ARCN1: variants seen among roughly 807,000 people sequenced by gnomAD.
The protein encoded by ARCN1 is archain 1 coat protein complex I subunit delta.
Under a neutral mutation model 60.4 loss-of-function variants are expected in ARCN1, and 5 were observed. That is an observed-to-expected ratio of 0.08 (90% CI 0.04 to 0.17). The LOEUF is 0.17. Among genes scored for constraint, ARCN1 ranks in the 10% least tolerant of loss-of-function variants. The pLI, the probability that ARCN1 is intolerant of heterozygous loss-of-function variation, is 1.00. For missense variants in ARCN1, 464 were observed against 626.5 expected, an observed-to-expected ratio of 0.74 and a Z score of 2.77; for synonymous variants, 224 against 220.0, an observed-to-expected ratio of 1.02 and a Z score of -0.16.
At chr11:118,583,492 G>A in intron 3 of ARCN1, 134 bp downstream of exon 3, 1 of 1,124,830 alleles carries the variant, frequency 8.9e-7, no homozygotes, top group Non-Finnish European at 1.2e-6. Flanking sequence ...AGTGGCTCAT[G>A]TCTGTAATCT....
chr11:118,582,882 A>G (rs1201158370), intron 2 of ARCN1, among the ~76,000 whole-genome samples: 1 of 151,776 alleles, frequency 6.6e-6, no homozygotes, highest in East Asian at 1.9e-4. Context: ...CTCTACTAAA[A>G]ATACAAAAAT....
chr11:118,582,719 T>A (rs1277366891), intron 2 of ARCN1, among the ~76,000 whole-genome samples: 1 of 120,790 alleles, frequency 8.3e-6, no homozygotes, highest in Non-Finnish European at 1.8e-5. Flanking sequence ...GAGTTAGACT[T>A]TGTCTTAAAA....
In ARCN1 at chr11:118,600,643, G is replaced by A. The variant is rs1555077943; in HGVS notation, c.1465G>A (p.Val489Ile). 6.2e-7 allele frequency: 1 copy of A among 1,611,972 alleles called. No homozygotes were observed. Among genetic ancestry groups the A allele is most frequent in the South Asian group, 1.1e-5 (1 of 90,752 alleles). The change falls in exon 10 of 10, where the codon GTA becomes ATA. Residue 489 changes from valine to isoleucine, a missense_variant. This residue lies in a region of ARCN1 where 359 missense variants were observed against 440.2 expected (regional missense o/e 0.82). Transcript: ENST00000264028. ...TTCCTAGGTTACCAAAGTGACCCAG[G>A]TAGATGGAAACAGCCCCGTCAGGTT... Reference protein sequence around the residue: ...CNIQVTKVTQVDGNSPVRFST... With the variant: ...CNIQVTKVTQIDGNSPVRFST...
intron 1 of ARCN1, chr11:118,573,486 T>C: frequency 2.0e-6 from 1 of 498,266 alleles, no homozygotes. Context: ...ATCGCTGTGA[T>C]TTGTGGATAT....
At chr11:118,590,317 A>G (rs1938872993) in intron 5 of ARCN1, 24 bp from the exon 6 acceptor site, 6 of 1,600,184 alleles carry the variant, frequency 3.7e-6, no homozygotes, top group Non-Finnish European at 5.1e-6. Flanking sequence ...CTTTCTGAAC[A>G]AATGTATTAC....
chr11:118,594,155 A>G (rs1938975421), intron 8 of ARCN1: 1 of 153,986 alleles, frequency 6.5e-6, no homozygotes, highest in Non-Finnish European at 1.4e-5. Context: ...ACTGGAGGTC[A>G]CTGGCACGAT....
At chr11:118,589,200 A>G (rs1306450102) in intron 5 of ARCN1, among the ~76,000 whole-genome samples, 1 of 152,224 alleles carries the variant, frequency 6.6e-6, no homozygotes, top group Non-Finnish European at 1.5e-5. Context: ...AAAAAAAATC[A>G]AATGTATAAC....
rs879965978 is a variant in ARCN1 at position 118,584,788 on chromosome 11, A to G, written c.818+144A>G. The G allele has an allele frequency of 1.0e-5, 8 of 781,398 alleles. No individual in the cohort carries two copies. In the East Asian group the frequency reaches 1.6e-4, roughly 15 times the overall value. The allele number at this position is 781,398 out of a possible 1,614,324, so 48.4% of individuals were successfully genotyped here. On this transcript the variant is annotated intron_variant, in intron 5 of 9. Coordinates refer to ENST00000264028, the MANE Select transcript of ARCN1 (RefSeq NM_001655.5). ...AAGATTTATTCAGAGCAGATTCTAC[A>G]TATTAACATAAGATCGTTTTTGGTT...
At chr11:118,581,966 A>ACACC (rs1472826072) in intron 2 of ARCN1, among the ~76,000 whole-genome samples, 1 of 149,904 alleles carries the variant, frequency 6.7e-6, no homozygotes, top group African/African-American at 2.4e-5. Flanking sequence ...ACACACACAC[A>ACACC]CCTTTTAAGA....
intron 9 of ARCN1, among the ~76,000 whole-genome samples, chr11:118,599,897 A>G (rs1275508606): frequency 6.6e-6 from 1 of 152,164 alleles, no homozygotes; most frequent in African/African-American, 2.4e-5. Flanking sequence ...ATGATTCCAA[A>G]GAGCAGTTCT....
chr11:118,584,794 A>G (rs1318015354), intron 5 of ARCN1, 150 bp downstream of exon 5: 1 of 763,370 alleles, frequency 1.3e-6, no homozygotes, highest in Admixed American at 3.7e-5. Context: ...CTACATATTA[A>G]CATAAGATCG....
At position 118,602,119 on chromosome 11, in the gene ARCN1, T is replaced by G. The variant is rs140977384; in HGVS notation, c.*1405T>G. On this transcript the variant is annotated 3_prime_UTR_variant, in exon 10 of 10. Coordinates refer to ENST00000264028, the MANE Select transcript of ARCN1 (RefSeq NM_001655.5). ...ATCAAGGAGGCTCCATTTCACCATT[T>G]GATTTTTTGCATTTCAGGAGGCAAC... The G allele has an allele frequency of 1.4e-4, 28 of 198,942 alleles. No individual in the cohort carries two copies. Among genetic ancestry groups the G allele is most frequent in the African/African-American group, 6.5e-4 (28 of 43,012 alleles). 12.3% of individuals were successfully genotyped at this position (198,942 alleles called of 1,614,324 possible). A position where few individuals can be genotyped will look rare whatever the true frequency, so the allele number is the denominator to read the frequency against.
chr11:118,581,276 G>A lies in ARCN1; in HGVS notation c.34G>A (p.Ala12Thr). ...VLLAAAVCTK[A>T]GKAIVSRQFV... ...GTTGGCAGCAGCGGTCTGCACAAAA[G>A]CAGGAAAGGCTATTGTTTCTCGACA... The change falls in exon 2 of 10, where the codon GCA becomes ACA. Residue 12 changes from alanine (A) to threonine (T), a missense_variant. Physicochemically the swap from Ala to Thr is moderately conservative, Grantham distance 58 (BLOSUM62 0). This residue lies in a region of ARCN1 where 105 missense variants were observed against 186.3 expected (regional missense o/e 0.56). Transcript: ENST00000264028. The A allele has an allele frequency of 1.9e-6, 3 of 1,614,228 alleles. No individual in the cohort carries two copies. Among genetic ancestry groups the A allele is most frequent in the Non-Finnish European group, 2.5e-6 (3 of 1,180,036 alleles).
chr11:118,574,297 G>T, intron 1 of ARCN1, among the ~76,000 whole-genome samples: 1 of 151,898 alleles, frequency 6.6e-6, no homozygotes, highest in Non-Finnish European at 1.5e-5. Flanking sequence ...AATGTTTTTG[G>T]GTCCTGCTCC....
intron 9 of ARCN1, among the ~76,000 whole-genome samples, chr11:118,600,395 C>T (rs571834411): frequency 1.4e-4 from 22 of 152,328 alleles, no homozygotes; most frequent in Admixed American, 1.0e-3. Flanking sequence ...TACGGAACAT[C>T]TCGTCCCAAC....
chr11:118,595,284 T>G (rs782422632), intron 8 of ARCN1, among the ~76,000 whole-genome samples: 2 of 152,254 alleles, frequency 1.3e-5, no homozygotes, highest in Non-Finnish European at 2.9e-5. Context: ...GCTGAATGTT[T>G]CATTTTCACG....
chr11:118,581,414 T>C lies in ARCN1; in HGVS notation c.172T>C (p.Tyr58His). Residue 58 changes from tyrosine to histidine, a missense_variant, in exon 2 of 10, where the codon TAC (tyrosine) becomes CAC (histidine). This residue lies in a region of ARCN1 where 105 missense variants were observed against 186.3 expected (regional missense o/e 0.56). Transcript: ENST00000264028. ...TGAAACAGAGAGTGTAAGATATGTCTACCAGCCTATGGAGAAACTGTATAT... is the reference window on the plus strand; with the variant it reads ...TGAAACAGAGAGTGTAAGATATGTCCACCAGCCTATGGAGAAACTGTATAT... ...FVETESVRYV[Y>H]QPMEKLYMVL... 6.2e-7 allele frequency: 1 copy of C among 1,614,126 alleles called. No individual in the cohort carries two copies. The highest frequency in any genetic ancestry group is 8.5e-7 in the Non-Finnish European group (1 of 1,179,944).
intron 2 of ARCN1, among the ~76,000 whole-genome samples, chr11:118,582,320 G>A (rs1446776668): frequency 6.6e-6 from 1 of 151,936 alleles, no homozygotes; most frequent in African/African-American, 2.4e-5. Flanking sequence ...TTTTTGTACG[G>A]GGTTTCACCA....
chr11:118,597,968 G>A (rs969824016), intron 9 of ARCN1, 57 bp downstream of exon 9: 37 of 1,557,452 alleles, frequency 2.4e-5, no homozygotes, highest in East Asian at 1.1e-4. Context: ...GTAGGAACAC[G>A]TATAGGATGC....
Sources: gnomAD v4.1 joint callset for allele counts (sites outside exome capture counted in the v4.1 genomes callset) on GRCh38, gnomAD v4.1.1 for gene constraint, gnomAD v4.1.1 regional missense constraint, MANE v1.5 for transcripts, NCBI Gene and HGNC (gene_info 2026-07-23, HGNC 2026-07-21) for gene names.